The following TULP4 variants were observed in gnomAD, a reference collection of about 807,000 sequenced individuals.
TULP4 encodes TUB like protein 4.
TULP4 carries 16 observed loss-of-function variants against 129.0 expected under a neutral mutation model. The observed-to-expected ratio is 0.12, with a 90% CI of 0.08 to 0.19. TULP4 has a LOEUF of 0.19. Ranked by LOEUF, TULP4 falls within the 10% of genes least tolerant of loss-of-function variation. The probability of loss-of-function intolerance (pLI) is 1.00; values close to 1 mark genes in which losing one functional copy is unlikely to be tolerated. For synonymous variants in TULP4, 998 were observed against 854.0 expected (o/e 1.17, Z -2.94); for missense variants, 1,842 against 2,059.1 (o/e 0.89, Z 2.04).
At chr6:158,237,765 A>G (rs1777744718) in intron 1 of TULP4, 1 of 798,080 alleles carries the variant, frequency 1.3e-6, no homozygotes, top group Non-Finnish European at 2.3e-6. Context: ...ATGTAGCACC[A>G]GGAGAATTTT....
chr6:158,269,937 A>T (rs1778517110), intron 1 of TULP4, among the ~76,000 whole-genome samples: 1 of 152,220 alleles, frequency 6.6e-6, no homozygotes, highest in Non-Finnish European at 1.5e-5. Flanking sequence ...TGCTCCCTTT[A>T]TTCCGTGTTC....
chr6:158,484,057 G>A (rs891912770), intron 8 of TULP4, among the ~76,000 whole-genome samples: 1 of 151,264 alleles, frequency 6.6e-6, no homozygotes, highest in Admixed American at 6.6e-5. Context: ...AGCTAGGATC[G>A]CAGGTGTGCA....
chr6:158,330,820 TC>T (rs1467329928), intron 1 of TULP4, among the ~76,000 whole-genome samples: 2 of 152,224 alleles, frequency 1.3e-5, no homozygotes, highest in African/African-American at 4.8e-5. Flanking sequence ...CTTCAGTTTT[TC>T]CTTATGTTTT....
intron 8 of TULP4, among the ~76,000 whole-genome samples, chr6:158,487,727 C>T (rs546318201): frequency 2.0e-5 from 3 of 152,380 alleles, no homozygotes; most frequent in Admixed American, 6.5e-5. Context: ...TGATGACAGA[C>T]GTCAGAGTGG....
chr6:158,350,815 A>C (rs1034994989), intron 1 of TULP4, among the ~76,000 whole-genome samples: 5 of 151,292 alleles, frequency 3.3e-5, no homozygotes, highest in Non-Finnish European at 7.4e-5. Flanking sequence ...GGCTGGAGTG[A>C]AGTGGTGCAA....
At chr6:158,255,594 G>T (rs550856576) in intron 1 of TULP4, among the ~76,000 whole-genome samples, 1 of 152,294 alleles carries the variant, frequency 6.6e-6, no homozygotes, top group South Asian at 2.1e-4. Flanking sequence ...ATGTCTGGGT[G>T]TGGTGCCTGG....
rs181409764 is a variant in TULP4, at chr6:158,342,696, G to A, written c.252+28428G>A. Reference sequence around the variant, plus strand: ...TGGATTGAAGGCACCATGGCATAAAGAATGTAGGATTTGGACTCAGACCTT... The same window carrying A: ...TGGATTGAAGGCACCATGGCATAAAAAATGTAGGATTTGGACTCAGACCTT... On this transcript the variant is annotated intron_variant, in intron 1 of 13. Coordinates refer to ENST00000367097, the MANE Select transcript of TULP4 (RefSeq NM_020245.5). 2.3e-3 allele frequency among the ~76,000 whole-genome samples: 356 copies of A among 152,352 alleles called. 1 individual carries two copies. The highest frequency in any genetic ancestry group is 7.8e-3 in the African/African-American group (324 of 41,590).
intron 1 of TULP4, among the ~76,000 whole-genome samples, chr6:158,283,830 A>C (rs1364260311): frequency 1.3e-5 from 2 of 151,938 alleles, no homozygotes; most frequent in African/African-American, 4.8e-5. Context: ...TCTCTCTTGT[A>C]TTGGCTGCTT....
At chr6:158,246,026 GTGTGTGTGTGT>G (rs1778025218) in intron 1 of TULP4, among the ~76,000 whole-genome samples, 2 of 74,240 alleles carry the variant, frequency 2.7e-5, no homozygotes, top group East Asian at 3.1e-4. Context: ...CCTTAGGGGT[GTGTGTGTGTGT>G]GTGTGTGTGT....
chr6:158,481,363 C>G lies in TULP4; in HGVS notation c.1486+74C>G, dbSNP rs748728017. ...GGCTGTTAACGCCTTACACCCCATG[C>G]AAAGAGAATGTCTGCTAATGAAACG... is the stretch of plus-strand genomic sequence containing the variant. On this transcript the variant is annotated intron_variant, in intron 8 of 13. Transcript: ENST00000367097. 15 of 1,344,658 alleles carry G rather than the reference C, an allele frequency of 1.1e-5. No individual in the cohort carries two copies. The South Asian group carries it at 1.9e-4, about 17-fold the overall frequency. 83.3% of individuals were successfully genotyped at this position (1,344,658 alleles called of 1,614,324 possible).
At chr6:158,255,181 C>T (rs1371263920) in intron 1 of TULP4, among the ~76,000 whole-genome samples, 5 of 152,120 alleles carry the variant, frequency 3.3e-5, no homozygotes, top group African/African-American at 1.2e-4. Flanking sequence ...TTTATGAATC[C>T]CCCTGCAGGT....
At chr6:158,244,617 G>A (rs1443130624) in intron 1 of TULP4, among the ~76,000 whole-genome samples, 2 of 152,030 alleles carry the variant, frequency 1.3e-5, no homozygotes, top group Non-Finnish European at 2.9e-5. Flanking sequence ...GCCTACAAGG[G>A]AGGAAAAAAA....
chr6:158,422,014 TTA>T (rs143296392), intron 2 of TULP4, among the ~76,000 whole-genome samples: 8,226 of 152,262 alleles, frequency 0.054, 286 homozygotes, highest in Non-Finnish European at 0.08. Flanking sequence ...CCTTAATTAC[TTA>T]TATTAGCAAT....
intron 1 of TULP4, among the ~76,000 whole-genome samples, chr6:158,263,627 G>A (rs947863564): frequency 1.3e-5 from 2 of 152,188 alleles, no homozygotes; most frequent in Non-Finnish European, 2.9e-5. Context: ...GTGATGGGAT[G>A]TGCCTGTCTT....
intron 1 of TULP4, among the ~76,000 whole-genome samples, chr6:158,350,063 C>T (rs564992827): frequency 3.5e-5 from 5 of 143,160 alleles, no homozygotes; most frequent in Middle Eastern, 4.3e-3. Context: ...ACGGGGCAGC[C>T]GGGCAGAGGC....
chr6:158,494,820 C>T lies in TULP4; in HGVS notation c.1844C>T (p.Ala615Val), dbSNP rs762190460. 6.2e-7 allele frequency: 1 copy of T among 1,614,114 alleles called. No homozygotes were observed. Among genetic ancestry groups the T allele is most frequent in the South Asian group, 1.1e-5 (1 of 91,054 alleles). Residue 615 changes from alanine to valine, a missense_variant, in exon 11 of 14, where the codon GCT becomes GTT. Ala to Val is a moderately conservative substitution (Grantham distance 64, BLOSUM62 0). This residue lies in a region of TULP4 where 99 missense variants were observed against 165.1 expected (regional missense o/e 0.60). Transcript: ENST00000367097. The part of the protein sequence containing the change: ...GTKFKIVGLA[A>V]FLPTNLGAVI... ...AAATTTAAGATTGTGGGCTTGGCTG[C>T]TTTCCTGCCAACCAACCTCGGTGCA...
chr6:158,314,529 C>G (rs1040374398), intron 1 of TULP4, among the ~76,000 whole-genome samples: 12 of 152,298 alleles, frequency 7.9e-5, no homozygotes, highest in African/African-American at 2.9e-4. Context: ...TTAGAGGGTC[C>G]GGGCAGTGGG....
chr6:158,443,984 C>T (rs1488922397), intron 3 of TULP4, among the ~76,000 whole-genome samples: 1 of 151,902 alleles, frequency 6.6e-6, no homozygotes, highest in Non-Finnish European at 1.5e-5. Flanking sequence ...CTTTGGGGGG[C>T]CAGGGTGGGC....
intron 6 of TULP4, among the ~76,000 whole-genome samples, chr6:158,463,300 C>T (rs576248293): frequency 6.6e-6 from 1 of 152,284 alleles, no homozygotes; most frequent in South Asian, 2.1e-4. Flanking sequence ...AAAGTATACA[C>T]AGATGGGCCC....
Sources: gnomAD v4.1 joint callset for allele counts (sites outside exome capture counted in the v4.1 genomes callset) on GRCh38, gnomAD v4.1.1 for gene constraint, gnomAD v4.1.1 regional missense constraint, MANE v1.5 for transcripts, NCBI Gene and HGNC (gene_info 2026-07-23, HGNC 2026-07-21) for gene names.